KHDRBS2: variants seen among roughly 807,000 people sequenced by gnomAD.
KHDRBS2 encodes the protein KH domain-containing, RNA-binding, signal transduction-associated protein 2.
KHDRBS2 carries 26 observed loss-of-function variants against 44.3 expected under a neutral mutation model. The ratio of observed to expected loss-of-function variants is 0.59; its 90% confidence interval spans 0.43 to 0.81. The LOEUF is 0.81. KHDRBS2 is among the 40% of genes least tolerant of loss of function. The pLI is 0.00. For synonymous variants in KHDRBS2, 194 were observed against 151.1 expected, an observed-to-expected ratio of 1.28 and a Z score of -2.08; for missense variants, 476 against 433.1, an observed-to-expected ratio of 1.10 and a Z score of -0.88.
chr6:61,900,442 ATCACATAGTTGT>A (rs1308465767), intron 5 of KHDRBS2, among the ~76,000 whole-genome samples: 2 of 152,178 alleles, frequency 1.3e-5, no homozygotes, highest in African/African-American at 4.8e-5. Context: ...GAATGATTAA[ATCACATAGTTGT>A]TCTCTGAAGG....
chr6:61,560,094 G>A, the KHDRBS2 span, among the ~76,000 whole-genome samples: 1 of 151,964 alleles, frequency 6.6e-6, no homozygotes, highest in South Asian at 2.1e-4. Flanking sequence ...TTTAGGGTAA[G>A]GTTTTTCCTT....
At chr6:61,593,877 G>A in the KHDRBS2 span, among the ~76,000 whole-genome samples, 2 of 152,050 alleles carry the variant, frequency 1.3e-5, no homozygotes, top group Admixed American at 6.6e-5. Flanking sequence ...CAAAGTATCA[G>A]GTTAATCTTT....
intron 2 of KHDRBS2, among the ~76,000 whole-genome samples, chr6:62,087,566 A>C (rs1798631756): frequency 6.6e-6 from 1 of 152,146 alleles, no homozygotes; most frequent in Non-Finnish European, 1.5e-5. Context: ...TCCAAATAGG[A>C]TGAGATGGTT....
At chr6:61,983,603 T>C (rs796674639) in intron 3 of KHDRBS2, among the ~76,000 whole-genome samples, 17 of 152,218 alleles carry the variant, frequency 1.1e-4, no homozygotes, top group African/African-American at 4.1e-4. Flanking sequence ...CTTGGTTTCA[T>C]AGCATTGAGA....
chr6:62,258,125 G>A (rs1179095329), intron 1 of KHDRBS2, among the ~76,000 whole-genome samples: 1 of 152,002 alleles, frequency 6.6e-6, no homozygotes, highest in African/African-American at 2.4e-5. Flanking sequence ...GCTGTGTTTT[G>A]ATTAAAGGGT....
intron 5 of KHDRBS2, among the ~76,000 whole-genome samples, chr6:61,895,588 T>G (rs1460741514): frequency 6.6e-6 from 1 of 152,226 alleles, no homozygotes; most frequent in Non-Finnish European, 1.5e-5. Context: ...GATACAAAAT[T>G]GACTTGCACT....
chr6:62,003,846 C>T (rs1348545668), intron 3 of KHDRBS2, among the ~76,000 whole-genome samples: 2 of 151,810 alleles, frequency 1.3e-5, no homozygotes, highest in Non-Finnish European at 2.9e-5. Flanking sequence ...CAAATTAGAA[C>T]TCAGGATTAA....
chr6:61,974,930 TAAAA>T (rs1273754832), intron 4 of KHDRBS2, among the ~76,000 whole-genome samples: 1 of 115,052 alleles, frequency 8.7e-6, no homozygotes. Context: ...GACTCCATCT[TAAAA>T]AATAAATAAA....
chr6:62,121,791 A>G (rs571789378), intron 2 of KHDRBS2, among the ~76,000 whole-genome samples: 1 of 152,312 alleles, frequency 6.6e-6, no homozygotes, highest in South Asian at 2.1e-4. Flanking sequence ...TAGCAAACAC[A>G]CTGGAGTTAT....
chr6:62,074,185 C>T (rs544114711), intron 2 of KHDRBS2, among the ~76,000 whole-genome samples: 1 of 151,948 alleles, frequency 6.6e-6, no homozygotes, highest in East Asian at 1.9e-4. Flanking sequence ...AACACAATCT[C>T]TAATCAAACA....
At chr6:62,153,480 G>A (rs1815668419) in intron 2 of KHDRBS2, among the ~76,000 whole-genome samples, 1 of 127,728 alleles carries the variant, frequency 7.8e-6, no homozygotes, top group African/African-American at 2.9e-5. Flanking sequence ...CTTAGAAAAC[G>A]TTTCAGCCTT....
chr6:61,931,550 G>A (rs1217278195), intron 4 of KHDRBS2, among the ~76,000 whole-genome samples: 1 of 151,962 alleles, frequency 6.6e-6, no homozygotes, highest in Non-Finnish European at 1.5e-5. Context: ...AAGAATTTAA[G>A]TGGTTTTATA....
intron 6 of KHDRBS2, among the ~76,000 whole-genome samples, chr6:61,834,251 T>C (rs1792295389): frequency 6.6e-6 from 1 of 152,006 alleles, no homozygotes; most frequent in Non-Finnish European, 1.5e-5. Context: ...GCCAAATGAA[T>C]ACTTGGCACC....
chr6:62,084,506 T>C (rs893871544), intron 2 of KHDRBS2, among the ~76,000 whole-genome samples: 1 of 152,142 alleles, frequency 6.6e-6, no homozygotes, highest in African/African-American at 2.4e-5. Context: ...CTTTCAGAGA[T>C]TAGCATTTTC....
chr6:61,723,915 C>T (rs900472252), intron 7 of KHDRBS2, among the ~76,000 whole-genome samples: 1 of 152,042 alleles, frequency 6.6e-6, no homozygotes, highest in African/African-American at 2.4e-5. Flanking sequence ...GAAGAACTTC[C>T]CCAACCTAGC....
intron 1 of KHDRBS2, among the ~76,000 whole-genome samples, chr6:62,216,251 T>C (rs1829959934): frequency 6.6e-6 from 1 of 151,776 alleles, no homozygotes; most frequent in African/African-American, 2.4e-5. Context: ...AAATTTACAT[T>C]GCCACAGAAG....
At chr6:61,578,071 G>T in the KHDRBS2 span, among the ~76,000 whole-genome samples, 4 of 151,986 alleles carry the variant, frequency 2.6e-5, no homozygotes, top group Non-Finnish European at 4.4e-5. Context: ...AGAAGACACT[G>T]GACTGACTCC....
chr6:62,117,700 G>GT (rs1004274779), intron 2 of KHDRBS2, among the ~76,000 whole-genome samples: 6 of 151,936 alleles, frequency 3.9e-5, no homozygotes, highest in African/African-American at 1.5e-4. Flanking sequence ...GTCCTGAGGT[G>GT]TTTTTCCAAT....
intron 3 of KHDRBS2, among the ~76,000 whole-genome samples, chr6:61,987,648 TC>T (rs1216965649): frequency 6.6e-6 from 1 of 152,284 alleles, no homozygotes; most frequent in East Asian, 1.9e-4. Context: ...TTGTTCTGAA[TC>T]CCCAATTTAA....
Sources: gnomAD v4.1 joint callset for allele counts (sites outside exome capture counted in the v4.1 genomes callset) on GRCh38, gnomAD v4.1.1 for gene constraint, MANE v1.5 for transcripts, NCBI Gene and HGNC (gene_info 2026-07-23, HGNC 2026-07-21) for gene names.